Variants in ARID5B observed in about 807,000 individuals in gnomAD.
The protein encoded by ARID5B is AT-rich interactive domain-containing protein 5B.
In ARID5B, 13 loss-of-function variants were observed where a neutral mutation model predicts 97.2. That is an observed-to-expected ratio of 0.13 (90% CI 0.09 to 0.21). The LOEUF is 0.21. Ranked by LOEUF, ARID5B falls within the 10% of genes least tolerant of loss-of-function variation. The pLI, the probability that ARID5B is intolerant of heterozygous loss-of-function variation, is 1.00. For missense variants in ARID5B, 1,210 were observed against 1,465.3 expected (o/e 0.83, Z 2.84); for synonymous variants, 556 against 570.3 (o/e 0.97, Z 0.36).
rs1016775289 is a variant in ARID5B at position 62,040,902 on chromosome 10, T to C, written c.734-9986T>C. Among the ~76,000 whole-genome samples the C allele has an allele frequency of 5.3e-5, 8 of 152,240 alleles. No homozygotes were observed. The East Asian group carries it at 5.8e-4, about 11-fold the overall frequency. The stretch of plus-strand genomic sequence containing the variant: ...CAGCAATTCTAAATAGTCATAGAAA[T>C]GTTTTATCTTACAGTGAAAAATGTA... On this transcript the variant is annotated intron_variant, in intron 4 of 9. Transcript: ENST00000279873.
rs1224828202 is a variant in ARID5B at position 62,093,290 on chromosome 10, G to C, written c.*260G>C. The C allele has an allele frequency of 2.5e-6, 1 of 396,094 alleles. No individual in the cohort carries two copies. Among genetic ancestry groups the C allele is most frequent in the Non-Finnish European group, 4.5e-6 (1 of 224,298 alleles). The allele number at this position is 396,094 out of a possible 1,614,324, so 24.5% of individuals were successfully genotyped here. A position where few individuals can be genotyped will look rare whatever the true frequency, so the allele number is the denominator to read the frequency against. The stretch of plus-strand genomic sequence containing the variant: ...CACCTCCAGATCATTCACTTCGCAC[G>C]TGGGCCTTGTGAAGGGATTTGTGAA... On this transcript the variant is annotated 3_prime_UTR_variant, in exon 10 of 10. Coordinates refer to ENST00000279873, the MANE Select transcript of ARID5B (RefSeq NM_032199.3).
chr10:62,055,985 G>A (rs749172535), intron 5 of ARID5B, among the ~76,000 whole-genome samples: 7 of 152,252 alleles, frequency 4.6e-5, no homozygotes, highest in African/African-American at 1.7e-4. Context: ...CTTCTCTCCC[G>A]ATGTCAGTTA....
intron 3 of ARID5B, among the ~76,000 whole-genome samples, chr10:61,958,527 T>A (rs564166895): frequency 6.6e-6 from 1 of 152,268 alleles, no homozygotes; most frequent in Non-Finnish European, 1.5e-5. Flanking sequence ...CGCCCGGCCG[T>A]GACCTCTTTT....
At chr10:61,939,392 T>C (rs1469306934) in intron 2 of ARID5B, among the ~76,000 whole-genome samples, 1 of 152,172 alleles carries the variant, frequency 6.6e-6, no homozygotes, top group East Asian at 1.9e-4. Context: ...GTCAGAAAAG[T>C]TGGTTGTTTC....
chr10:62,077,593 T>C (rs2132965611), intron 8 of ARID5B, among the ~76,000 whole-genome samples: 1 of 152,316 alleles, frequency 6.6e-6, no homozygotes, highest in South Asian at 2.1e-4. Flanking sequence ...CTCATTTTTG[T>C]TTTTATCCTA....
At position 62,092,576 on chromosome 10, in the gene ARID5B, A is replaced by G; in HGVS notation, c.3113A>G (p.Lys1038Arg). Reference sequence around the variant, plus strand: ...GCAGTGTCTCCCTTAGACCCATCCAAGGAGGTCTCTGGGAAGGAGAAGGCC... The same window carrying G: ...GCAGTGTCTCCCTTAGACCCATCCAGGGAGGTCTCTGGGAAGGAGAAGGCC... ...ARAVSPLDPS[K>R]EVSGKEKASE... Residue 1038 changes from lysine to arginine, a missense_variant, in exon 10 of 10, where the codon AAG (lysine) becomes AGG (arginine). Physicochemically the swap from Lys to Arg is conservative, Grantham distance 26. This residue lies in a region of ARID5B where 800 missense variants were observed against 839.1 expected (regional missense o/e 0.95). Transcript: ENST00000279873. 6.2e-7 allele frequency: 1 copy of G among 1,614,190 alleles called. No individual in the cohort carries two copies. Among genetic ancestry groups the G allele is most frequent in the Admixed American group, 1.7e-5 (1 of 60,030 alleles).
chr10:61,901,755 C>T, intron 1 of ARID5B, 25 bp downstream of exon 1: 2 of 1,612,278 alleles, frequency 1.2e-6, no homozygotes, highest in Non-Finnish European at 1.7e-6. Flanking sequence ...TCCGCTCCTC[C>T]GATCCCGGCA....
At chr10:61,930,722 AAAAT>A (rs55665606) in intron 2 of ARID5B, among the ~76,000 whole-genome samples, 37 of 140,438 alleles carry the variant, frequency 2.6e-4, no homozygotes, top group African/African-American at 8.0e-4. Context: ...TCCGCCTCAA[AAAAT>A]AAATAAATAA....
At chr10:62,020,853 G>A (rs991042006) in intron 4 of ARID5B, among the ~76,000 whole-genome samples, 1 of 151,748 alleles carries the variant, frequency 6.6e-6, no homozygotes, top group African/African-American at 2.4e-5. Flanking sequence ...GCGGTTATTG[G>A]GAGTTTTCTA....
At chr10:61,920,911 A>G (rs900143222) in intron 2 of ARID5B, among the ~76,000 whole-genome samples, 16 of 152,152 alleles carry the variant, frequency 1.1e-4, no homozygotes. Flanking sequence ...ATACTGAAAA[A>G]TACACTCACA....
At chr10:62,078,570 G>A (rs1589288187) in intron 8 of ARID5B, among the ~76,000 whole-genome samples, 1 of 152,192 alleles carries the variant, frequency 6.6e-6, no homozygotes, top group Admixed American at 6.5e-5. Context: ...ATTGAGAAGA[G>A]TCATTGCTGC....
At chr10:61,991,979 C>T (rs1838931457) in intron 3 of ARID5B, among the ~76,000 whole-genome samples, 3 of 151,850 alleles carry the variant, frequency 2.0e-5, no homozygotes, top group African/African-American at 7.3e-5. Flanking sequence ...TTGCGGTGAG[C>T]TGAGATCACG....
rs1267735193 is a variant in ARID5B at position 62,092,203 on chromosome 10, C to A, written c.2740C>A (p.Pro914Thr). 1 of 1,610,782 alleles carries A rather than the reference C, an allele frequency of 6.2e-7. No individual in the cohort carries two copies. The highest frequency in any genetic ancestry group is 8.5e-7 in the Non-Finnish European group (1 of 1,178,762). ...QPTDLSLPKN[P>T]HKPTGKVLGL... Reference sequence around the variant, plus strand: ...TACAGATCTGAGCCTTCCCAAGAACCCGCACAAACCTACCGGCAAGGTCCT... The same window carrying A: ...TACAGATCTGAGCCTTCCCAAGAACACGCACAAACCTACCGGCAAGGTCCT... Residue 914 changes from proline (P) to threonine (T), a missense_variant, in exon 10 of 10, where the codon CCG becomes ACG. Physicochemically the swap from Pro to Thr is conservative, Grantham distance 38. This residue lies in a region of ARID5B where 800 missense variants were observed against 839.1 expected (regional missense o/e 0.95). Transcript: ENST00000279873.
At chr10:61,941,850 T>TAC (rs1272239291) in intron 3 of ARID5B, among the ~76,000 whole-genome samples, 1 of 152,214 alleles carries the variant, frequency 6.6e-6, no homozygotes. Context: ...TTCCTATATA[T>TAC]ACTGTTACAC....
chr10:61,946,267 T>A (rs894829978), intron 3 of ARID5B, among the ~76,000 whole-genome samples: 1 of 152,070 alleles, frequency 6.6e-6, no homozygotes, highest in South Asian at 2.1e-4. Flanking sequence ...GTTTGATATG[T>A]CAGGCAGCTT....
chr10:62,027,394 C>T (rs182498149), intron 4 of ARID5B, among the ~76,000 whole-genome samples: 2 of 138,300 alleles, frequency 1.4e-5, no homozygotes, highest in East Asian at 4.7e-4. Context: ...CTGCAAGCTC[C>T]ATCTCTCGGG....
intron 3 of ARID5B, among the ~76,000 whole-genome samples, chr10:61,943,317 T>G (rs1183674318): frequency 6.6e-6 from 1 of 152,196 alleles, no homozygotes; most frequent in Non-Finnish European, 1.5e-5. Flanking sequence ...GTGGTTTTCT[T>G]ATCTCCTTTT....
In ARID5B at chr10:62,050,964, T is replaced by G; in HGVS notation, c.810T>G (p.Asp270Glu). Residue 270 changes from aspartate (D) to glutamate (E), a missense_variant, in exon 5 of 10, where the codon GAT becomes GAG. By Grantham distance (45) the Asp-to-Glu change is conservative (BLOSUM62 2). This residue lies in a region of ARID5B where 132 missense variants were observed against 156.7 expected (regional missense o/e 0.84). Coordinates refer to ENST00000279873, the MANE Select transcript of ARID5B (RefSeq NM_032199.3). ...QRRDSFSGVK[D>E]SNNNSDGKAV... ...GAGATTCATTCAGTGGTGTTAAGGATTCCAACAACAATTCCGATGGCAAAG... is the reference window on the plus strand; with the variant it reads ...GAGATTCATTCAGTGGTGTTAAGGAGTCCAACAACAATTCCGATGGCAAAG... The G allele has an allele frequency of 6.2e-7, 1 of 1,614,218 alleles. No homozygotes were observed. The highest frequency in any genetic ancestry group is 1.1e-5 in the South Asian group (1 of 91,090).
chr10:61,988,361 T>C (rs1279574598), intron 3 of ARID5B, among the ~76,000 whole-genome samples: 2 of 152,236 alleles, frequency 1.3e-5, no homozygotes, highest in Non-Finnish European at 2.9e-5. Context: ...CAAGTGAACC[T>C]GTAGCTGGTT....
Sources: gnomAD v4.1 joint callset for allele counts (sites outside exome capture counted in the v4.1 genomes callset) on GRCh38, gnomAD v4.1.1 for gene constraint, gnomAD v4.1.1 regional missense constraint, MANE v1.5 for transcripts, NCBI Gene and HGNC (gene_info 2026-07-23, HGNC 2026-07-21) for gene names.